SCFD2: variants seen among roughly 807,000 people sequenced by gnomAD.
SCFD2 encodes the protein sec1 family domain-containing protein 2.
A neutral mutation model predicts 58.9 loss-of-function variants in SCFD2; 54 were observed. That is an observed-to-expected ratio of 0.92 (90% CI 0.74 to 1.15). The LOEUF (loss-of-function observed/expected upper bound fraction) is 1.15. SCFD2 is among the 50% of genes most tolerant of loss of function. The pLI is 0.00. For synonymous variants in SCFD2, 321 were observed against 335.9 expected (o/e 0.96, Z 0.49); for missense variants, 805 against 836.6 (o/e 0.96, Z 0.47).
chr4:52,951,179 C>T (rs28479292), intron 5 of SCFD2, among the ~76,000 whole-genome samples: 1 of 152,014 alleles, frequency 6.6e-6, no homozygotes. Context: ...TAATTCTCTC[C>T]CTCCCTTCCT....
intron 5 of SCFD2, among the ~76,000 whole-genome samples, chr4:52,942,299 G>A (rs1720313812): frequency 6.6e-6 from 1 of 152,104 alleles, no homozygotes; most frequent in African/African-American, 2.4e-5. Flanking sequence ...GTGGGTTGTG[G>A]GACATAATGG....
At chr4:53,039,071 C>A (rs1158552254) in intron 5 of SCFD2, among the ~76,000 whole-genome samples, 1 of 152,118 alleles carries the variant, frequency 6.6e-6, no homozygotes, top group Non-Finnish European at 1.5e-5. Flanking sequence ...ACTATATATT[C>A]CCTTTCCAGG....
chr4:53,255,928 G>T (rs1468900797), intron 4 of SCFD2, among the ~76,000 whole-genome samples: 1 of 149,742 alleles, frequency 6.7e-6, no homozygotes, highest in East Asian at 2.0e-4. Flanking sequence ...GGGCAGAGGC[G>T]CCCCTCACCT....
intron 5 of SCFD2, among the ~76,000 whole-genome samples, chr4:52,968,951 C>T (rs1170665558): frequency 6.6e-6 from 1 of 152,178 alleles, no homozygotes; most frequent in Non-Finnish European, 1.5e-5. Flanking sequence ...CCAGTTTTGG[C>T]AAAGAATTCT....
chr4:52,956,160 A>G, intron 5 of SCFD2: 2 of 456,678 alleles, frequency 4.4e-6, no homozygotes, highest in Non-Finnish European at 8.8e-6. Flanking sequence ...GAAGCCCAAG[A>G]CTACTGCTGG....
At chr4:52,900,451 C>G (rs1004519428) in intron 7 of SCFD2, among the ~76,000 whole-genome samples, 3 of 152,182 alleles carry the variant, frequency 2.0e-5, no homozygotes, top group African/African-American at 7.2e-5. Flanking sequence ...GGCTGCAGAA[C>G]AGTGGATATT....
At chr4:53,038,204 C>T (rs1461335688) in intron 5 of SCFD2, among the ~76,000 whole-genome samples, 2 of 152,044 alleles carry the variant, frequency 1.3e-5, no homozygotes, top group Admixed American at 6.6e-5. Context: ...AAAAGAAAAA[C>T]GAATACAAGT....
intron 2 of SCFD2, among the ~76,000 whole-genome samples, chr4:53,348,795 AC>A (rs1419492574): frequency 6.6e-6 from 1 of 150,386 alleles, no homozygotes; most frequent in African/African-American, 2.5e-5. Flanking sequence ...ACTCACTGCA[AC>A]CTCCACCTCC....
chr4:53,218,628 T>G (rs1302402118), intron 4 of SCFD2, among the ~76,000 whole-genome samples: 2 of 151,946 alleles, frequency 1.3e-5, no homozygotes, highest in Non-Finnish European at 2.9e-5. Flanking sequence ...GTCTGAAGCC[T>G]TCTTCTCTCA....
At chr4:53,253,604 T>A (rs1212087951) in intron 4 of SCFD2, among the ~76,000 whole-genome samples, 1 of 151,402 alleles carries the variant, frequency 6.6e-6, no homozygotes, top group Non-Finnish European at 1.5e-5. Flanking sequence ...ATGGATGAAA[T>A]TGGAAATCAT....
intron 5 of SCFD2, among the ~76,000 whole-genome samples, chr4:53,127,825 C>G (rs1725672358): frequency 6.6e-6 from 1 of 151,944 alleles, no homozygotes; most frequent in South Asian, 2.1e-4. Flanking sequence ...TCTGAAAAGT[C>G]CAATGTGGAG....
intron 4 of SCFD2, among the ~76,000 whole-genome samples, chr4:53,252,128 T>C: frequency 7.0e-6 from 1 of 143,224 alleles, no homozygotes; most frequent in Non-Finnish European, 1.5e-5. Flanking sequence ...TGAACTCCCA[T>C]TCACAATTGC....
intron 4 of SCFD2, among the ~76,000 whole-genome samples, chr4:53,165,315 A>T (rs1726974138): frequency 6.6e-6 from 1 of 152,202 alleles, no homozygotes; most frequent in African/African-American, 2.4e-5. Flanking sequence ...AAATTTTGGA[A>T]TATTGAATCC....
At chr4:52,947,968 CAAAA>C (rs34494471) in intron 5 of SCFD2, among the ~76,000 whole-genome samples, 13 of 35,208 alleles carry the variant, frequency 3.7e-4, no homozygotes, top group African/African-American at 1.0e-3. Context: ...AAAAATAGGC[CAAAA>C]AAAAAAAAAA....
intron 7 of SCFD2, among the ~76,000 whole-genome samples, chr4:52,886,332 C>T (rs1013714003): frequency 6.6e-6 from 1 of 152,220 alleles, no homozygotes; most frequent in Non-Finnish European, 1.5e-5. Context: ...GGTTGGGGGA[C>T]CACCCTTGCA....
rs115716270 is a variant in SCFD2 at position 53,137,516 on chromosome 4, T to C, written c.1561+7817A>G. On this transcript the variant is annotated intron_variant, in intron 5 of 8. Coordinates refer to ENST00000401642, the MANE Select transcript of SCFD2 (RefSeq NM_152540.4). The stretch of plus-strand genomic sequence containing the variant: ...GGGTATCCTAATGCATATAAAGCTA[T>C]AGTAATTGATAGTCCCAAATTATCA... Among the ~76,000 whole-genome samples the C allele has an allele frequency of 1.4e-3, 207 of 152,372 alleles. 1 individual carries two copies. Among genetic ancestry groups the C allele is most frequent in the Non-Finnish European group, 2.3e-3 (159 of 68,032 alleles).
chr4:53,092,243 C>G (rs1335120078), intron 5 of SCFD2, among the ~76,000 whole-genome samples: 2 of 151,984 alleles, frequency 1.3e-5, no homozygotes, highest in African/African-American at 2.4e-5. Context: ...TATAATTTGC[C>G]TGATAAAACA....
chr4:53,183,481 C>T (rs1043870029), intron 4 of SCFD2, among the ~76,000 whole-genome samples: 2 of 151,906 alleles, frequency 1.3e-5, no homozygotes, highest in African/African-American at 4.8e-5. Context: ...GGAAGGGGAA[C>T]ATCACACACC....
At chr4:53,119,022 A>G (rs1350504095) in intron 5 of SCFD2, among the ~76,000 whole-genome samples, 1 of 152,192 alleles carries the variant, frequency 6.6e-6, no homozygotes, top group African/African-American at 2.4e-5. Context: ...TCTTGCTACT[A>G]AAATCAAGTT....
Sources: gnomAD v4.1 joint callset for allele counts (sites outside exome capture counted in the v4.1 genomes callset) on GRCh38, gnomAD v4.1.1 for gene constraint, MANE v1.5 for transcripts, NCBI Gene and HGNC (gene_info 2026-07-23, HGNC 2026-07-21) for gene names.